Variants in SLC7A10 observed in about 807,000 individuals in gnomAD.
The protein encoded by SLC7A10 is asc-type amino acid transporter 1.
SLC7A10 carries 30 observed loss-of-function variants against 52.7 expected under a neutral mutation model. That is an observed-to-expected ratio of 0.57 (90% CI 0.43 to 0.77). SLC7A10 has a LOEUF of 0.77. Ranked by LOEUF, SLC7A10 falls within the 30% of genes least tolerant of loss-of-function variation. SLC7A10 has a pLI of 0.00. For missense variants in SLC7A10, 581 were observed against 698.5 expected (o/e 0.83, Z 1.90); for synonymous variants, 318 against 314.9 (o/e 1.01, Z -0.10).
Position 33,212,274 on chromosome 19 carries a change from G to T in SLC7A10, c.788+18C>A, listed in dbSNP as rs1272701925. The T allele has an allele frequency of 1.4e-5, 22 of 1,589,634 alleles. No homozygotes were observed. Among genetic ancestry groups the T allele is most frequent in the Non-Finnish European group, 1.8e-5 (21 of 1,168,862 alleles). ...GGGCCTGGCTGCTTCCCAGGGCCCA[G>T]TTGGGGGCCCCACTCACTTTCGGGC... On this transcript the variant is annotated intron_variant, in intron 5 of 10. Transcript: ENST00000253188.
chr19:33,219,228 G>T (rs146274437), intron 1 of SLC7A10, among the ~76,000 whole-genome samples: 15 of 152,096 alleles, frequency 9.9e-5, no homozygotes, highest in African/African-American at 3.6e-4. Flanking sequence ...TCCACCACCC[G>T]CCCCTCTTCC....
rs1974514697 is a variant in SLC7A10 at position 33,210,322 on chromosome 19, G to A, written c.1263+145C>T. 7.1e-6 allele frequency: 7 copies of A among 984,526 alleles called. No individual in the cohort carries two copies. Among genetic ancestry groups the A allele is most frequent in the Non-Finnish European group, 1.0e-5 (7 of 668,570 alleles). The allele number at this position is 984,526 out of a possible 1,614,324, so 61.0% of individuals were successfully genotyped here. A position where few individuals can be genotyped will look rare whatever the true frequency, so the allele number is the denominator to read the frequency against. On this transcript the variant is annotated intron_variant, in intron 9 of 10. Transcript: ENST00000253188. This position sits in a 1 kb window ranked among gnomAD's most constrained non-coding sequence, Gnocchi z 5.6. ...CATGGGGCTGCTATGAGGAATGGCT[G>A]CCTCAGTGCACAGAGAGCCCTGAGC...
At position 33,213,208 on chromosome 19, in the gene SLC7A10, T is replaced by C. The variant is rs549266158; in HGVS notation, c.357-206A>G. Among the ~76,000 whole-genome samples, 98 of 152,288 alleles carry C rather than the reference T, an allele frequency of 6.4e-4. 1 individual carries two copies. The highest frequency in any genetic ancestry group is 2.3e-3 in the African/African-American group (96 of 41,570). On this transcript the variant is annotated intron_variant, in intron 2 of 10. Transcript: ENST00000253188. ...ATAGACTGTTTTAACAGAGAAGGTGTTACCCGTACTTAAACATTGACAAGG... is the reference window on the plus strand; with the variant it reads ...ATAGACTGTTTTAACAGAGAAGGTGCTACCCGTACTTAAACATTGACAAGG...
intron 2 of SLC7A10, among the ~76,000 whole-genome samples, chr19:33,215,453 G>A (rs544831338): frequency 1.3e-5 from 2 of 152,178 alleles, no homozygotes; most frequent in African/African-American, 4.8e-5. Context: ...GCAGGGGGTG[G>A]GGTTCAGAGG....
intron 1 of SLC7A10, among the ~76,000 whole-genome samples, chr19:33,223,338 A>AGAAAG (rs1262928256): frequency 1.3e-5 from 2 of 151,858 alleles, no homozygotes; most frequent in African/African-American, 4.8e-5. Flanking sequence ...AGAAAGAAAA[A>AGAAAG]GAAAGGAAAG....
Position 33,210,699 on chromosome 19 carries a change from A to G in SLC7A10, c.1114-83T>C. 1 of 1,606,528 alleles carries G rather than the reference A, an allele frequency of 6.2e-7. No individual in the cohort carries two copies. The highest frequency in any genetic ancestry group is 8.5e-7 in the Non-Finnish European group (1 of 1,177,218). Reference sequence around the variant, plus strand: ...AGGATGAGCCCTGGCCCCACCCCCAACCCCCACCCTGGAATGGCTCACCCC... The same window carrying G: ...AGGATGAGCCCTGGCCCCACCCCCAGCCCCCACCCTGGAATGGCTCACCCC... On this transcript the variant is annotated intron_variant, in intron 8 of 10. Coordinates refer to ENST00000253188, the MANE Select transcript of SLC7A10 (RefSeq NM_019849.3). This position sits in a 1 kb window ranked among gnomAD's most constrained non-coding sequence, Gnocchi z 5.6.
chr19:33,224,178 T>C (rs1268079989), intron 1 of SLC7A10, among the ~76,000 whole-genome samples: 6 of 152,198 alleles, frequency 3.9e-5, no homozygotes, highest in Admixed American at 2.6e-4. Flanking sequence ...CTCAATCCTA[T>C]GACCCACTCA....
intron 1 of SLC7A10, chr19:33,220,022 C>T (rs1000020126): frequency 6.6e-6 from 1 of 152,312 alleles, no homozygotes; most frequent in African/African-American, 2.4e-5. Flanking sequence ...GGGACCCCAA[C>T]ACCCCGGGGT....
intron 1 of SLC7A10, among the ~76,000 whole-genome samples, chr19:33,218,684 T>TTTC (rs1555733802): frequency 8.2e-5 from 4 of 48,656 alleles, no homozygotes; most frequent in Non-Finnish European, 2.2e-4. Context: ...TTTCTTTCTT[T>TTTC]TTTTTTTTTT....
intron 2 of SLC7A10, 99 bp downstream of exon 2, chr19:33,215,670 T>A (rs1974662249): frequency 3.0e-6 from 3 of 990,440 alleles, no homozygotes; most frequent in African/African-American, 2.3e-5. Flanking sequence ...ACGACCTCCC[T>A]AGGAAGCCGG....
chr19:33,208,925 A>G lies in SLC7A10; in HGVS notation c.1538T>C (p.Leu513Pro). ...EENGPCPPSLLPATDKPSKPQ is the reference protein window; with the variant it reads ...EENGPCPPSLPPATDKPSKPQ ...CTTCGAGGGCTTGTCTGTGGCAGGC[A>G]GCAGGGAGGGTGGGCAGGGGCCATT... The change falls in exon 11 of 11, where the codon CTG (leucine) becomes CCG (proline). Residue 513 changes from leucine (L) to proline (P), a missense_variant. Transcript: ENST00000253188. This position sits in a 1 kb window ranked among gnomAD's most constrained non-coding sequence, Gnocchi z 4.7. The G allele has an allele frequency of 7.7e-7, 1 of 1,291,032 alleles. No individual in the cohort carries two copies. The highest frequency in any genetic ancestry group is 1.1e-6 in the Non-Finnish European group (1 of 907,254). 80.0% of individuals were successfully genotyped at this position (1,291,032 alleles called of 1,614,324 possible). A position where few individuals can be genotyped will look rare whatever the true frequency, so the allele number is the denominator to read the frequency against.
intron 1 of SLC7A10, among the ~76,000 whole-genome samples, chr19:33,219,342 C>T (rs551225727): frequency 7.9e-5 from 12 of 152,346 alleles, no homozygotes; most frequent in Non-Finnish European, 5.9e-5. Flanking sequence ...TCCCCGTGGC[C>T]GCTGCGGTGC....
chr19:33,211,684 A>G (rs1974558127), intron 5 of SLC7A10, 147 bp from the exon 6 acceptor site: 1 of 1,467,582 alleles, frequency 6.8e-7, no homozygotes, highest in African/African-American at 1.4e-5. Context: ...GCTGCCCGAG[A>G]CACAGGGACC....
At chr19:33,221,880 G>T (rs559041738) in intron 1 of SLC7A10, among the ~76,000 whole-genome samples, 1 of 152,334 alleles carries the variant, frequency 6.6e-6, no homozygotes, top group East Asian at 1.9e-4. Flanking sequence ...TTGGGTTGTG[G>T]ATCCGGCAAG....
chr19:33,222,763 C>T (rs567181069), intron 1 of SLC7A10, among the ~76,000 whole-genome samples: 7 of 152,356 alleles, frequency 4.6e-5, no homozygotes, highest in African/African-American at 1.7e-4. Flanking sequence ...TTCCTCCAGC[C>T]TGGCCGATTC....
intron 2 of SLC7A10, among the ~76,000 whole-genome samples, chr19:33,213,293 CTTT>C: frequency 6.9e-6 from 1 of 145,472 alleles, no homozygotes; most frequent in Non-Finnish European, 1.5e-5. Flanking sequence ...TTTCTTTTTT[CTTT>C]TTTTTTTTTT....
In SLC7A10 at chr19:33,209,494, G is replaced by A. The variant is rs564899232; in HGVS notation, c.1264-9C>T. ...GGGATGAGAAGGTTCACCTGGGGAA[G>A]GGGGAGCAGAAACACCGATGGTGCA... On this transcript the variant is annotated splice_polypyrimidine_tract_variant and intron_variant, in intron 9 of 10. Transcript: ENST00000253188. The A allele has an allele frequency of 6.2e-7, 1 of 1,613,570 alleles. No individual in the cohort carries two copies. The highest frequency in any genetic ancestry group is 1.1e-5 in the South Asian group (1 of 91,076).
rs35390810 is a variant in SLC7A10, at chr19:33,215,778, C to T, written c.347G>A (p.Gly116Asp). The T allele has an allele frequency of 8.2e-5, 128 of 1,556,042 alleles. No homozygotes were observed. Among genetic ancestry groups the T allele is most frequent in the Non-Finnish European group, 1.0e-4 (115 of 1,149,748 alleles). ...GGTGCCCCACACTCACCCAGCCAGG[C>T]CCCCGAAGATCTCTGTGACGTAGGC... ...DYAYVTEIFG[G>D]LAGFLLLWSA... Residue 116 changes from glycine (G) to aspartate (D), a missense_variant, in exon 2 of 11, where the codon GGC becomes GAC. Physicochemically the swap from Gly to Asp is moderately conservative, Grantham distance 94. Transcript: ENST00000253188.
At chr19:33,214,237 C>A (rs1409987994) in intron 2 of SLC7A10, among the ~76,000 whole-genome samples, 1 of 152,164 alleles carries the variant, frequency 6.6e-6, no homozygotes, top group African/African-American at 2.4e-5. Context: ...CAGCAGCGTG[C>A]AAGCCCTGGC....
Sources: allele counts gnomAD v4.1 joint callset (sites outside exome capture counted in the v4.1 genomes callset), GRCh38; gene constraint gnomAD v4.1.1; non-coding constraint Gnocchi (gnomAD v3.1); transcripts MANE v1.5; gene names NCBI Gene and HGNC (gene_info 2026-07-23, HGNC 2026-07-21).